TXNDC5: variants seen among roughly 807,000 people sequenced by gnomAD.
TXNDC5 encodes thioredoxin domain containing 5.
Under a neutral mutation model 52.6 loss-of-function variants are expected in TXNDC5, and 44 were observed. That is an observed-to-expected ratio of 0.84 (90% CI 0.66 to 1.08). The LOEUF is 1.08. Among genes scored for constraint, TXNDC5 ranks in the 50% least tolerant of loss-of-function variants. The pLI, the probability that TXNDC5 is intolerant of heterozygous loss-of-function variation, is 0.00. For synonymous variants in TXNDC5, 241 were observed against 234.4 expected (o/e 1.03, Z -0.26); for missense variants, 600 against 565.5 (o/e 1.06, Z -0.62).
intron 3 of TXNDC5, among the ~76,000 whole-genome samples, chr6:7,896,265 A>C (rs1581319558): frequency 6.6e-6 from 1 of 152,196 alleles, no homozygotes; most frequent in African/African-American, 2.4e-5. Flanking sequence ...CTCATACAGA[A>C]AGAGGGGGAA....
At chr6:7,894,978 T>C in intron 4 of TXNDC5, 128 bp downstream of exon 4, 1 of 1,458,914 alleles carries the variant, frequency 6.9e-7, no homozygotes, top group East Asian at 2.5e-5. Flanking sequence ...ACAGCTCCTC[T>C]AGAGTGACCC....
At position 7,909,861 on chromosome 6, in the gene TXNDC5, C is replaced by G. The variant is rs545100839; in HGVS notation, c.263+653G>C. The G allele has an allele frequency of 3.0e-6, 3 of 986,016 alleles. No homozygotes were observed. In the South Asian group the frequency reaches 1.4e-4, roughly 46 times the overall value. The allele number at this position is 986,016 out of a possible 1,614,324, so 61.1% of individuals were successfully genotyped here. A position where few individuals can be genotyped will look rare whatever the true frequency, so the allele number is the denominator to read the frequency against. The stretch of plus-strand genomic sequence containing the variant: ...TAAAGCCTCTGGAAGGGGACGTGCC[C>G]GCAGTCTGTCCCAGCCGACCCCGGT... On this transcript the variant is annotated intron_variant, in intron 1 of 9. Transcript: ENST00000379757.
intron 6 of TXNDC5, chr6:7,889,165 G>A (rs1400300096): frequency 4.5e-6 from 2 of 443,736 alleles, no homozygotes; most frequent in Non-Finnish European, 8.0e-6. Context: ...AGGAGGGAGG[G>A]AGGCAGGCAG....
intron 5 of TXNDC5, among the ~76,000 whole-genome samples, chr6:7,890,069 A>G (rs1045556010): frequency 1.3e-5 from 2 of 152,212 alleles, no homozygotes; most frequent in African/African-American, 4.8e-5. Flanking sequence ...GTTGGTATAT[A>G]ATAAAGGTAA....
chr6:7,898,963 G>A (rs1290022523), intron 3 of TXNDC5, among the ~76,000 whole-genome samples: 3 of 152,042 alleles, frequency 2.0e-5, no homozygotes, highest in Admixed American at 1.3e-4. Context: ...TTAGAGACTC[G>A]GGGACTGAGC....
At chr6:7,886,133 T>G (rs1759972706) in intron 7 of TXNDC5, 90 bp from the exon 8 acceptor site, 2 of 1,191,742 alleles carry the variant, frequency 1.7e-6, no homozygotes, top group South Asian at 2.7e-5. Flanking sequence ...GAATCAGTAA[T>G]TTTTTAAAAA....
intron 1 of TXNDC5, among the ~76,000 whole-genome samples, chr6:7,908,742 C>T (rs1333064016): frequency 6.6e-6 from 1 of 152,088 alleles, no homozygotes; most frequent in African/African-American, 2.4e-5. Context: ...GAGGCTGAGG[C>T]AGGAGAATCA....
chr6:7,899,683 T>C lies in TXNDC5; in HGVS notation c.414-2A>G. The C allele has an allele frequency of 6.2e-7, 1 of 1,612,842 alleles. No homozygotes were observed. Among genetic ancestry groups the C allele is most frequent in the Non-Finnish European group, 8.5e-7 (1 of 1,179,218 alleles). ...TGGCCTGGCTTGAAAAGCTTTAAGC[T>C]GAAAGAATAACAAAGGATTAGACAG... On this transcript the variant is annotated splice_acceptor_variant, in intron 2 of 9. Coordinates refer to ENST00000379757, the MANE Select transcript of TXNDC5 (RefSeq NM_030810.5). LOFTEE classifies it high-confidence loss of function.
intron 1 of TXNDC5, 71 bp downstream of exon 1, chr6:7,910,443 G>T (rs1760880604): frequency 1.6e-6 from 2 of 1,264,070 alleles, no homozygotes; most frequent in African/African-American, 1.6e-5. Flanking sequence ...CCCCCCGCCC[G>T]CGGCGCCCAA....
At chr6:7,886,933 C>G (rs1760002490) in intron 7 of TXNDC5, among the ~76,000 whole-genome samples, 1 of 152,192 alleles carries the variant, frequency 6.6e-6, no homozygotes, top group Non-Finnish European at 1.5e-5. Context: ...AGACCCACTT[C>G]ATGGTGGAAA....
intron 1 of TXNDC5, among the ~76,000 whole-genome samples, chr6:7,909,072 T>C (rs573547574): frequency 6.6e-6 from 1 of 152,332 alleles, no homozygotes; most frequent in South Asian, 2.1e-4. Flanking sequence ...CATAATGTAC[T>C]TCATATACAC....
chr6:7,903,923 G>C (rs1760651922), intron 2 of TXNDC5, among the ~76,000 whole-genome samples: 1 of 152,158 alleles, frequency 6.6e-6, no homozygotes, highest in South Asian at 2.1e-4. Context: ...TCAGTGGTGG[G>C]CCCTTCTGTG....
rs760911179 is a variant in TXNDC5 at position 7,883,250 on chromosome 6, G to A, written c.1193C>T (p.Thr398Met). 1.4e-5 allele frequency: 22 copies of A among 1,614,004 alleles called. No homozygotes were observed. Among genetic ancestry groups the A allele is most frequent in the East Asian group, 6.7e-5 (3 of 44,896 alleles). ...CTTCCCTCCTCGGAAAAGCAATAAC[G>A]TGGGGTAGCCTCGTACCTTAAAACA... ...CSKYSVRGYP[T>M]LLLFRGGKKV... The change falls in exon 10 of 10, where the codon ACG (threonine) becomes ATG (methionine). Residue 398 changes from threonine to methionine, a missense_variant. Coordinates refer to ENST00000379757, the MANE Select transcript of TXNDC5 (RefSeq NM_030810.5).
chr6:7,897,272 T>C (rs1760404269), intron 3 of TXNDC5, among the ~76,000 whole-genome samples: 1 of 152,190 alleles, frequency 6.6e-6, no homozygotes. Context: ...AAAATTGCAG[T>C]AGAATGTACA....
chr6:7,907,096 T>C (rs1167753806), intron 1 of TXNDC5, among the ~76,000 whole-genome samples: 2 of 151,994 alleles, frequency 1.3e-5, no homozygotes, highest in Non-Finnish European at 2.9e-5. Flanking sequence ...TCAGATATGC[T>C]CATTCTGGAA....
chr6:7,885,886 T>C, intron 8 of TXNDC5, 75 bp downstream of exon 8: 1 of 1,358,922 alleles, frequency 7.4e-7, no homozygotes, highest in East Asian at 2.4e-5. Flanking sequence ...TCTGGAGGGG[T>C]GGCAGATGAG....
chr6:7,883,580 T>C lies in TXNDC5; in HGVS notation c.1177-314A>G, dbSNP rs370093599. ...CTGCGGATCTGCTGAAGGTGCAGAT[T>C]TGGATTGAGCAGGCCTGGGAGTCTG... On this transcript the variant is annotated intron_variant, in intron 9 of 9. Transcript: ENST00000379757. 1.7e-4 allele frequency among the ~76,000 whole-genome samples: 26 copies of C among 152,252 alleles called. No individual in the cohort carries two copies. In the East Asian group the frequency reaches 1.7e-3, roughly 10 times the overall value.
At chr6:7,903,233 C>T (rs58499628) in intron 2 of TXNDC5, among the ~76,000 whole-genome samples, 27,126 of 152,170 alleles carry the variant, frequency 0.18, 2,857 homozygotes, top group East Asian at 0.38. Flanking sequence ...TCCATACTTT[C>T]AATGCAATAC....
chr6:7,910,655 G>A lies in TXNDC5; in HGVS notation c.122C>T (p.Ala41Val), dbSNP rs750207705. 922 of 1,236,616 alleles carry A rather than the reference G, an allele frequency of 7.5e-4. 6 individuals carry two copies. The highest frequency in any genetic ancestry group is 4.9e-3 in the Middle Eastern group (17 of 3,468). 76.6% of individuals were successfully genotyped at this position (1,236,616 alleles called of 1,614,324 possible). A position where few individuals can be genotyped will look rare whatever the true frequency, so the allele number is the denominator to read the frequency against. ...GGGCCCGTCCGCCGCCGCCGCCGCC[G>A]CCTCCTGGGCCCGGGCGCCCCAGCG... is the stretch of plus-strand genomic sequence containing the variant. ...GGRWGARAQE[A>V]AAAAADGPPA... Residue 41 changes from alanine to valine, a missense_variant, in exon 1 of 10, where the codon GCG (alanine) becomes GTG (valine). By Grantham distance (64) the Ala-to-Val change is moderately conservative. Coordinates refer to ENST00000379757, the MANE Select transcript of TXNDC5 (RefSeq NM_030810.5).
Sources: allele counts gnomAD v4.1 joint callset (sites outside exome capture counted in the v4.1 genomes callset), GRCh38; gene constraint gnomAD v4.1.1; transcripts MANE v1.5; gene names NCBI Gene and HGNC (gene_info 2026-07-23, HGNC 2026-07-21).